The following ADGRB2 variants were observed in gnomAD, a reference collection of about 807,000 sequenced individuals.
The protein encoded by ADGRB2 is brain-specific angiogenesis inhibitor 2.
Under a neutral mutation model 178.7 loss-of-function variants are expected in ADGRB2, and 47 were observed. That is an observed-to-expected ratio of 0.26 (90% CI 0.21 to 0.34). ADGRB2 has a LOEUF of 0.34. Ranked by LOEUF, ADGRB2 falls within the 10% of genes least tolerant of loss-of-function variation. The pLI is 1.00. For missense variants in ADGRB2, 1,584 were observed against 2,180.8 expected (o/e 0.73, Z 5.45); for synonymous variants, 870 against 912.4 (o/e 0.95, Z 0.84).
chr1:31,738,711 G>A, intron 16 of ADGRB2, 81 bp from the exon 17 acceptor site: 1 of 1,597,048 alleles, frequency 6.3e-7, no homozygotes, highest in Middle Eastern at 1.7e-4. Context: ...GGGGGCCACA[G>A]CAGCTCCCAC....
chr1:31,759,432 T>C lies in ADGRB2; in HGVS notation c.-190-1921A>G, dbSNP rs1646976741. ...GCTGGATCTCCCTCCCCTACCCTGC[T>C]CCTAGGCTGCTGCTCCCTACTCCAC... is the stretch of plus-strand genomic sequence containing the variant. On this transcript the variant is annotated intron_variant, in intron 1 of 32. Coordinates refer to ENST00000373658, the MANE Select transcript of ADGRB2 (RefSeq NM_001364857.2). This position sits in a 1 kb window ranked among gnomAD's most constrained non-coding sequence, Gnocchi z 4.3. The C allele has an allele frequency of 1.3e-6, 1 of 774,794 alleles. No individual in the cohort carries two copies. Among genetic ancestry groups the C allele is most frequent in the Non-Finnish European group, 2.4e-6 (1 of 415,070 alleles). The allele number at this position is 774,794 out of a possible 1,614,324, so 48.0% of individuals were successfully genotyped here.
At chr1:31,757,060 G>C (rs760596761) in intron 3 of ADGRB2, 141 bp downstream of exon 3, 76 of 1,420,710 alleles carry the variant, frequency 5.3e-5, no homozygotes, top group Non-Finnish European at 7.0e-5. Flanking sequence ...AATAAGTAAG[G>C]GAAAGGACTC....
chr1:31,750,183 A>C (rs545840690), intron 4 of ADGRB2, among the ~76,000 whole-genome samples: 1 of 152,276 alleles, frequency 6.6e-6, no homozygotes, highest in East Asian at 1.9e-4. Context: ...TGGTTTCGAT[A>C]TGCTGGTCCT....
Position 31,744,078 on chromosome 1 carries a change from C to T in ADGRB2, c.1087+115G>A. 1 of 1,321,558 alleles carries T rather than the reference C, an allele frequency of 7.6e-7. No homozygotes were observed. The highest frequency in any genetic ancestry group is 1.0e-6 in the Non-Finnish European group (1 of 983,054). 81.9% of individuals were successfully genotyped at this position (1,321,558 alleles called of 1,614,324 possible). A position where few individuals can be genotyped will look rare whatever the true frequency, so the allele number is the denominator to read the frequency against. On this transcript the variant is annotated intron_variant, in intron 6 of 32. Transcript: ENST00000373658. This position sits in a 1 kb window ranked among gnomAD's most constrained non-coding sequence, Gnocchi z 6.7. ...AGTTGGGCATGGTGTGGGGAACAGC[C>T]ACATTTGTTGAATGAAAGGAGGAGG...
In ADGRB2 at chr1:31,744,970, T is replaced by G. The variant is rs1016543800; in HGVS notation, c.839-239A>C. 4.6e-5 allele frequency among the ~76,000 whole-genome samples: 7 copies of G among 152,194 alleles called. No individual in the cohort carries two copies. Among genetic ancestry groups the G allele is most frequent in the African/African-American group, 1.7e-4 (7 of 41,456 alleles). ...ACCTCACAGTCATCTTTTCCACCTC[T>G]TGCCTCAGCCAGATGTGGGGGAGAT... is the stretch of plus-strand genomic sequence containing the variant. On this transcript the variant is annotated intron_variant, in intron 4 of 32. Transcript: ENST00000373658. The surrounding 1 kb of genome is among the most constrained non-coding windows in gnomAD (Gnocchi z 6.7).
In ADGRB2 at chr1:31,741,408, A is replaced by G. The variant is rs754438191; in HGVS notation, c.1759T>C (p.Cys587Arg). ...AGGTAGCGGTACTCATGGGAGATGCAGCGAGCAAAGCTGGGCAGCCCCCAG... is the reference window on the plus strand; with the variant it reads ...AGGTAGCGGTACTCATGGGAGATGCGGCGAGCAAAGCTGGGCAGCCCCCAG... ...AYWGLPSFAR[C>R]ISHEYRYLYL... Residue 587 changes from cysteine to arginine, a missense_variant, in exon 11 of 33, where the codon TGC (cysteine) becomes CGC (arginine). This residue lies in a region of ADGRB2 where 657 missense variants were observed against 847.6 expected (regional missense o/e 0.78). Transcript: ENST00000373658. This position sits in a 1 kb window ranked among gnomAD's most constrained non-coding sequence, Gnocchi z 6.5. The G allele has an allele frequency of 6.2e-7, 1 of 1,606,948 alleles. No individual in the cohort carries two copies.
Position 31,741,570 on chromosome 1 carries a change from G to C in ADGRB2, c.1687+54C>G. 1 of 1,603,810 alleles carries C rather than the reference G, an allele frequency of 6.2e-7. No homozygotes were observed. The highest frequency in any genetic ancestry group is 8.5e-7 in the Non-Finnish European group (1 of 1,172,702). Reference sequence around the variant, plus strand: ...TCAGAGAGGCTGGGGGCGCAGAAGGGGGCAATGAGAATGGCAGGGGTGGTG... The same window carrying C: ...TCAGAGAGGCTGGGGGCGCAGAAGGCGGCAATGAGAATGGCAGGGGTGGTG... On this transcript the variant is annotated intron_variant, in intron 10 of 32. Transcript: ENST00000373658. This position sits in a 1 kb window ranked among gnomAD's most constrained non-coding sequence, Gnocchi z 6.5.
At chr1:31,762,247 A>G (rs1359662822) in intron 1 of ADGRB2, among the ~76,000 whole-genome samples, 1 of 152,182 alleles carries the variant, frequency 6.6e-6, no homozygotes, top group African/African-American at 2.4e-5. Context: ...TCTTCTCTCA[A>G]TCTTGGTCCA....
At position 31,727,483 on chromosome 1, in the gene ADGRB2, CAG is replaced by C; in HGVS notation, c.4693_4694del (p.Leu1565AlafsTer15). The C allele has an allele frequency of 6.3e-7, 1 of 1,596,830 alleles. No homozygotes were observed. Among genetic ancestry groups the C allele is most frequent in the Non-Finnish European group, 8.5e-7 (1 of 1,175,236 alleles). The stretch of plus-strand genomic sequence containing the variant: ...TGGGCTCCCAGGCTGCTGCCCGGTG[CAG>C]AGTCAGCCGTTCTCGGGGCTTGGGG... ...LPPKPRERLTLHRAAAWEPTE... is the reference protein window; with the variant it reads ...LPPKPRERLTXHRAAAWEPTE... On this transcript the variant is annotated frameshift_variant, in exon 33 of 33. Coordinates refer to ENST00000373658, the MANE Select transcript of ADGRB2 (RefSeq NM_001364857.2). LOFTEE classifies it high-confidence loss of function. This position sits in a 1 kb window ranked among gnomAD's most constrained non-coding sequence, Gnocchi z 4.4.
chr1:31,737,358 C>T, intron 20 of ADGRB2, 71 bp downstream of exon 20: 1 of 1,411,384 alleles, frequency 7.1e-7, no homozygotes. Context: ...AGCAAACACA[C>T]ACACTGCGCT....
chr1:31,728,803 AACACACACACACACACACAC>A lies in ADGRB2; in HGVS notation c.4381-190_4381-171del, dbSNP rs71006321. Among the ~76,000 whole-genome samples, 11 of 115,530 alleles carry A rather than the reference AACACACACACACACACACAC, an allele frequency of 9.5e-5. No individual in the cohort carries two copies. The highest frequency in any genetic ancestry group is 2.8e-4 in the African/African-American group (9 of 32,202). The allele number at this position is 115,530 out of a possible 152,430, so 75.8% of individuals were successfully genotyped here. A position where few individuals can be genotyped will look rare whatever the true frequency, so the allele number is the denominator to read the frequency against. ...TGGGGCAGCTTTTCAGGCCTCACTGAACACACACACACACACACACACACACACACACACACACACACACG... is the reference window on the plus strand; with the variant it reads ...TGGGGCAGCTTTTCAGGCCTCACTGAACACACACACACACACACACACACG... On this transcript the variant is annotated intron_variant, in intron 29 of 32. Coordinates refer to ENST00000373658, the MANE Select transcript of ADGRB2 (RefSeq NM_001364857.2). The surrounding 1 kb of genome is among the most constrained non-coding windows in gnomAD (Gnocchi z 6.7).
chr1:31,742,413 C>T (rs1338405041), intron 7 of ADGRB2, among the ~76,000 whole-genome samples, 196 bp from the exon 8 acceptor site: 1 of 152,170 alleles, frequency 6.6e-6, no homozygotes, highest in African/African-American at 2.4e-5. Flanking sequence ...ATGCTGCCTG[C>T]CTGCCACCAG....
chr1:31,742,698 A>T, intron 7 of ADGRB2, 140 bp downstream of exon 7: 1 of 1,040,998 alleles, frequency 9.6e-7, no homozygotes, highest in Non-Finnish European at 1.3e-6. Flanking sequence ...AGGCAGGCAT[A>T]CTTCTCCAGT....
At position 31,761,516 on chromosome 1, in the gene ADGRB2, C is replaced by T. The variant is rs1647041983; in HGVS notation, c.-191+2368G>A. 6.6e-6 allele frequency among the ~76,000 whole-genome samples: 1 copy of T among 152,214 alleles called. No individual in the cohort carries two copies. The highest frequency in any genetic ancestry group is 2.1e-4 in the South Asian group (1 of 4,828). On this transcript the variant is annotated intron_variant, in intron 1 of 32. Coordinates refer to ENST00000373658, the MANE Select transcript of ADGRB2 (RefSeq NM_001364857.2). This position sits in a 1 kb window ranked among gnomAD's most constrained non-coding sequence, Gnocchi z 4.2. ...TTTCTTCTCTGTACTTCTCCCACCT[C>T]TGCAGCCTCTACACTTGAACCAAGA...
At position 31,749,968 on chromosome 1, in the gene ADGRB2, G is replaced by C. The variant is rs1570005436; in HGVS notation, c.839-5237C>G. On this transcript the variant is annotated intron_variant, in intron 4 of 32. Coordinates refer to ENST00000373658, the MANE Select transcript of ADGRB2 (RefSeq NM_001364857.2). ...AAGAAAGGAAAGAAAGAAAGAAAGA[G>C]AAAAAGAACAAAAAAGAAAGAAAGA... is the stretch of plus-strand genomic sequence containing the variant. 1.3e-5 allele frequency among the ~76,000 whole-genome samples: 2 copies of C among 151,950 alleles called. 1 individual carries two copies. Among genetic ancestry groups the C allele is most frequent in the Admixed American group, 1.3e-4 (2 of 15,274 alleles).
At chr1:31,751,053 C>T (rs1557781168) in intron 4 of ADGRB2, among the ~76,000 whole-genome samples, 1 of 152,152 alleles carries the variant, frequency 6.6e-6, no homozygotes, top group African/African-American at 2.4e-5. Context: ...TGCCATAAAG[C>T]CCTTGGCCAA....
chr1:31,735,124 G>GGC lies in ADGRB2; in HGVS notation c.3452+58_3452+59insGC. ...TCCTCCTCCCCCCACCATGGGCACT[G>GGC]CCCCCCCCAATTCCTTTGCCCCACC... On this transcript the variant is annotated intron_variant, in intron 25 of 32. Transcript: ENST00000373658. The surrounding 1 kb of genome is among the most constrained non-coding windows in gnomAD (Gnocchi z 6.0). 2.3e-6 allele frequency: 2 copies of GGC among 878,104 alleles called. No individual in the cohort carries two copies. The highest frequency in any genetic ancestry group is 3.2e-6 in the Non-Finnish European group (2 of 623,388). The allele number at this position is 878,104 out of a possible 1,614,324, so 54.4% of individuals were successfully genotyped here.
At chr1:31,736,420 G>A (rs1162308457) in intron 21 of ADGRB2, 30 bp from the exon 22 acceptor site, 1 of 1,612,954 alleles carries the variant, frequency 6.2e-7, no homozygotes, top group Non-Finnish European at 8.5e-7. Flanking sequence ...AGAGTGAGAT[G>A]GTTGCTGGTC....
rs1645852662 is a variant in ADGRB2, at chr1:31,740,099, G to A, written c.2058+11C>T. ...GTCACGGGAGGAGAAGCTGGCAGCT[G>A]TGCCCCGCACCTGCTGAGCATCGTC... On this transcript the variant is annotated intron_variant, in intron 13 of 32. Coordinates refer to ENST00000373658, the MANE Select transcript of ADGRB2 (RefSeq NM_001364857.2). This position sits in a 1 kb window ranked among gnomAD's most constrained non-coding sequence, Gnocchi z 5.9. 1.9e-6 allele frequency: 3 copies of A among 1,614,052 alleles called. No individual in the cohort carries two copies. Among genetic ancestry groups the A allele is most frequent in the Admixed American group, 3.3e-5 (2 of 60,008 alleles).
Sources: allele counts gnomAD v4.1 joint callset (sites outside exome capture counted in the v4.1 genomes callset), GRCh38; gene constraint gnomAD v4.1.1; regional missense constraint gnomAD v4.1.1; non-coding constraint Gnocchi (gnomAD v3.1); transcripts MANE v1.5; gene names NCBI Gene and HGNC (gene_info 2026-07-23, HGNC 2026-07-21).